SGCD: variants seen among roughly 807,000 people sequenced by gnomAD.
The protein encoded by SGCD is sarcoglycan delta.
Under a neutral mutation model 36.6 loss-of-function variants are expected in SGCD, and 18 were observed. The ratio of observed to expected loss-of-function variants is 0.49; its 90% CI spans 0.34 to 0.73. The LOEUF is 0.73. Ranked by LOEUF, SGCD falls within the 30% of genes least tolerant of loss-of-function variation. The pLI is 0.01. For missense variants in SGCD, 387 were observed against 346.7 expected (o/e 1.12, Z -0.92); for synonymous variants, 133 against 130.6 (o/e 1.02, Z -0.12).
At chr5:156,226,280 T>G (rs1764856042) in intron 3 of SGCD, among the ~76,000 whole-genome samples, 1 of 152,142 alleles carries the variant, frequency 6.6e-6, no homozygotes, top group Admixed American at 6.6e-5. Context: ...CTTTGCATCC[T>G]CATAGCTTAG....
At chr5:155,789,352 G>T in the SGCD span, among the ~76,000 whole-genome samples, 1 of 152,044 alleles carries the variant, frequency 6.6e-6, no homozygotes, top group Admixed American at 6.6e-5. Flanking sequence ...TAATTTTGCA[G>T]CTTTAGGCTT....
chr5:156,766,322 C>T lies in SGCD; in HGVS notation c.*6932C>T, dbSNP rs1757587168. Reference sequence around the variant, plus strand: ...GTCTCTGTTTCCCTATAAGAAAGAACTACCAGGGACTCACTGACTGCATTA... The same window carrying T: ...GTCTCTGTTTCCCTATAAGAAAGAATTACCAGGGACTCACTGACTGCATTA... On this transcript the variant is annotated 3_prime_UTR_variant, in exon 9 of 9. Transcript: ENST00000337851. 1 of 151,866 alleles carries T rather than the reference C, an allele frequency of 6.6e-6. No individual in the cohort carries two copies. The highest frequency in any genetic ancestry group is 6.6e-5 in the Admixed American group (1 of 15,234). 9.4% of individuals were successfully genotyped at this position (151,866 alleles called of 1,614,324 possible). A position where few individuals can be genotyped will look rare whatever the true frequency, so the allele number is the denominator to read the frequency against.
chr5:156,633,243 C>T (rs769029837), intron 6 of SGCD, among the ~76,000 whole-genome samples: 5 of 152,186 alleles, frequency 3.3e-5, no homozygotes, highest in Non-Finnish European at 5.9e-5. Flanking sequence ...TGACGATGTG[C>T]ACTGTGTTTA....
At chr5:156,218,208 C>T (rs980090698) in intron 3 of SGCD, among the ~76,000 whole-genome samples, 5 of 151,882 alleles carry the variant, frequency 3.3e-5, no homozygotes, top group Admixed American at 6.6e-5. Context: ...GCCGAGATGG[C>T]GCCACTGCAC....
chr5:156,640,398 C>T (rs1762985635), intron 6 of SGCD, among the ~76,000 whole-genome samples: 1 of 129,904 alleles, frequency 7.7e-6, no homozygotes, highest in African/African-American at 2.5e-5. Context: ...AAGATAACAT[C>T]ACCCCCATTG....
intron 1 of SGCD, among the ~76,000 whole-genome samples, chr5:155,896,138 T>C (rs1323701170): frequency 6.6e-6 from 1 of 152,210 alleles, no homozygotes; most frequent in Non-Finnish European, 1.5e-5. Flanking sequence ...CCCTTTATTA[T>C]ATCTCTCTTG....
At chr5:156,310,220 C>A (rs944498021) in intron 3 of SGCD, among the ~76,000 whole-genome samples, 1 of 152,016 alleles carries the variant, frequency 6.6e-6, no homozygotes, top group Non-Finnish European at 1.5e-5. Flanking sequence ...CCCAATAGTA[C>A]GAAAATAAAA....
chr5:156,002,336 C>A (rs757217587), intron 1 of SGCD, among the ~76,000 whole-genome samples: 9 of 152,200 alleles, frequency 5.9e-5, no homozygotes, highest in Non-Finnish European at 7.3e-5. Flanking sequence ...CCTACCTACC[C>A]TTTGGTCGTG....
At chr5:156,152,923 G>A (rs1762864953) in intron 3 of SGCD, among the ~76,000 whole-genome samples, 1 of 151,654 alleles carries the variant, frequency 6.6e-6, no homozygotes. Flanking sequence ...GGCATCAGGT[G>A]ACATCTCTCT....
chr5:156,444,877 A>G (rs1235748370), intron 3 of SGCD, among the ~76,000 whole-genome samples: 2 of 152,228 alleles, frequency 1.3e-5, no homozygotes, highest in African/African-American at 4.8e-5. Flanking sequence ...CAAGAGGATA[A>G]TAAAGACACT....
At chr5:156,375,170 C>A (rs1366882346) in intron 3 of SGCD, among the ~76,000 whole-genome samples, 1 of 152,136 alleles carries the variant, frequency 6.6e-6, no homozygotes, top group Non-Finnish European at 1.5e-5. Context: ...CCCTCTCCTT[C>A]CGATTTTTTC....
chr5:155,861,876 G>A, the SGCD span, among the ~76,000 whole-genome samples: 1 of 152,160 alleles, frequency 6.6e-6, no homozygotes, highest in Non-Finnish European at 1.5e-5. Context: ...AGCCATATAC[G>A]GAACATTCAC....
chr5:156,068,334 C>T (rs1296306532), intron 1 of SGCD, among the ~76,000 whole-genome samples: 2 of 151,562 alleles, frequency 1.3e-5, no homozygotes, highest in Non-Finnish European at 2.9e-5. Flanking sequence ...CATGTGTTCT[C>T]ATTGTTCAAT....
intron 3 of SGCD, among the ~76,000 whole-genome samples, chr5:156,397,330 T>C (rs1382324772): frequency 6.6e-6 from 1 of 152,234 alleles, no homozygotes; most frequent in Non-Finnish European, 1.5e-5. Flanking sequence ...ATAATCTCAA[T>C]TGCATATTCT....
chr5:156,184,190 T>C (rs1189216310), intron 3 of SGCD, among the ~76,000 whole-genome samples: 3 of 152,134 alleles, frequency 2.0e-5, no homozygotes, highest in African/African-American at 4.8e-5. Flanking sequence ...AAAAACATGA[T>C]AGTATGGGTA....
chr5:156,523,356 T>C (rs1757492045), intron 4 of SGCD, among the ~76,000 whole-genome samples: 1 of 152,186 alleles, frequency 6.6e-6, no homozygotes, highest in African/African-American at 2.4e-5. Flanking sequence ...ATAAGCACTA[T>C]GAGAAGGAAA....
intron 1 of SGCD, among the ~76,000 whole-genome samples, chr5:155,892,573 C>G (rs577638299): frequency 6.6e-6 from 1 of 151,272 alleles, no homozygotes; most frequent in Admixed American, 6.6e-5. Context: ...ATTTGTTGCA[C>G]TTTGGGAATG....
At chr5:155,796,416 T>A in the SGCD span, among the ~76,000 whole-genome samples, 1 of 152,046 alleles carries the variant, frequency 6.6e-6, no homozygotes, top group East Asian at 1.9e-4. Flanking sequence ...GATGAAAAGA[T>A]GAGTTATCAA....
intron 1 of SGCD, among the ~76,000 whole-genome samples, chr5:155,980,144 T>G (rs1195081531): frequency 6.6e-6 from 1 of 152,186 alleles, no homozygotes; most frequent in East Asian, 1.9e-4. Flanking sequence ...ACCCTGATCT[T>G]GGACTTCCAG....
Sources: allele counts gnomAD v4.1 joint callset (sites outside exome capture counted in the v4.1 genomes callset), GRCh38; gene constraint gnomAD v4.1.1; transcripts MANE v1.5; gene names NCBI Gene and HGNC (gene_info 2026-07-23, HGNC 2026-07-21).